Variants in DAP observed in about 807,000 individuals in gnomAD.
DAP encodes death associated protein, also known as death-associated protein 1.
In DAP, 8 loss-of-function variants were observed where a neutral mutation model predicts 13.8. That is an observed-to-expected ratio of 0.58 (90% confidence interval 0.34 to 1.05). The LOEUF (loss-of-function observed/expected upper bound fraction) is 1.05, where lower values mean the gene tolerates loss of function less well. Among genes scored for constraint, DAP ranks in the 50% least tolerant of loss-of-function variants. The pLI is 0.03. For missense variants in DAP, 106 were observed against 133.2 expected, an observed-to-expected ratio of 0.80 and a Z score of 1.01; for synonymous variants, 47 against 47.5, an observed-to-expected ratio of 0.99 and a Z score of 0.04.
intron 2 of DAP, among the ~76,000 whole-genome samples, chr5:10,721,364 C>T (rs1739135710): frequency 6.6e-6 from 1 of 152,132 alleles, no homozygotes; most frequent in Non-Finnish European, 1.5e-5. Flanking sequence ...ACGCGGCTAC[C>T]AGGAGACACA....
At chr5:10,743,366 G>C (rs1229364979) in intron 2 of DAP, among the ~76,000 whole-genome samples, 1 of 152,136 alleles carries the variant, frequency 6.6e-6, no homozygotes. Flanking sequence ...TGAATTGTTG[G>C]CTTACTTGTC....
chr5:10,730,223 T>A (rs1246108130), intron 2 of DAP, among the ~76,000 whole-genome samples: 2 of 152,228 alleles, frequency 1.3e-5, no homozygotes, highest in Non-Finnish European at 2.9e-5. Flanking sequence ...GTCCCCACTG[T>A]GTAGAGTACC....
chr5:10,720,213 A>G (rs1739101970), intron 2 of DAP, among the ~76,000 whole-genome samples: 1 of 152,196 alleles, frequency 6.6e-6, no homozygotes, highest in South Asian at 2.1e-4. Context: ...CCACTTCCTC[A>G]TGTAACTTAC....
rs3797148 is a variant in DAP at position 10,754,303 on chromosome 5, C to T, written c.56-6032G>A. On this transcript the variant is annotated intron_variant, in intron 1 of 3. Transcript: ENST00000230895. ...ACCTTGCCCCCAGACCAAGTGGAGCCCTTACAGGAGCTTTCAGGTGTGCAT... is the reference window on the plus strand; with the variant it reads ...ACCTTGCCCCCAGACCAAGTGGAGCTCTTACAGGAGCTTTCAGGTGTGCAT... Among the ~76,000 whole-genome samples the T allele has an allele frequency of 1.5e-3, 226 of 152,166 alleles. 2 individuals carry two copies. The East Asian group carries it at 0.039, about 27-fold the overall frequency.
At chr5:10,697,361 A>T (rs1738460835) in intron 2 of DAP, among the ~76,000 whole-genome samples, 1 of 152,202 alleles carries the variant, frequency 6.6e-6, no homozygotes, top group Non-Finnish European at 1.5e-5. Flanking sequence ...TCTATGTATT[A>T]AAAACTTTAC....
chr5:10,688,297 T>G (rs1738207337), intron 2 of DAP, among the ~76,000 whole-genome samples: 1 of 152,112 alleles, frequency 6.6e-6, no homozygotes, highest in African/African-American at 2.4e-5. Flanking sequence ...CCATCAACAC[T>G]GAGGCAAGAC....
chr5:10,708,046 A>G (rs760955003), intron 2 of DAP, among the ~76,000 whole-genome samples: 8 of 152,196 alleles, frequency 5.3e-5, no homozygotes, highest in Non-Finnish European at 7.3e-5. Flanking sequence ...GCATTGTTAC[A>G]ACTCCAGGCA....
At chr5:10,752,840 C>T (rs1740079820) in intron 1 of DAP, among the ~76,000 whole-genome samples, 1 of 152,212 alleles carries the variant, frequency 6.6e-6, no homozygotes, top group African/African-American at 2.4e-5. Flanking sequence ...ACATGAAATG[C>T]CTCCAACAGG....
At chr5:10,698,949 T>A (rs1738497996) in intron 2 of DAP, among the ~76,000 whole-genome samples, 1 of 152,142 alleles carries the variant, frequency 6.6e-6, no homozygotes, top group Non-Finnish European at 1.5e-5. Context: ...AAAAATGAAA[T>A]TTGCTTAGTT....
At chr5:10,700,360 C>T (rs1738547944) in intron 2 of DAP, among the ~76,000 whole-genome samples, 1 of 152,170 alleles carries the variant, frequency 6.6e-6, no homozygotes, top group Non-Finnish European at 1.5e-5. Flanking sequence ...TCTCTAAGGA[C>T]AGCTGCAAGC....
At chr5:10,719,068 C>T (rs1739067834) in intron 2 of DAP, among the ~76,000 whole-genome samples, 1 of 152,190 alleles carries the variant, frequency 6.6e-6, no homozygotes, top group South Asian at 2.1e-4. Context: ...TACCTTCTAC[C>T]TCAGTAAAAT....
intron 2 of DAP, among the ~76,000 whole-genome samples, chr5:10,710,224 C>T (rs1306592755): frequency 1.3e-5 from 2 of 152,114 alleles, no homozygotes; most frequent in African/African-American, 2.4e-5. Flanking sequence ...CTGCTTTTGG[C>T]CAGGGGCCAT....
intron 2 of DAP, among the ~76,000 whole-genome samples, chr5:10,691,736 A>G (rs1738312019): frequency 6.6e-6 from 1 of 152,222 alleles, no homozygotes; most frequent in Non-Finnish European, 1.5e-5. Flanking sequence ...ACTTATTTAA[A>G]TTGAAAAGAA....
At chr5:10,750,588 A>C (rs1016714301) in intron 1 of DAP, among the ~76,000 whole-genome samples, 1 of 151,956 alleles carries the variant, frequency 6.6e-6, no homozygotes, top group African/African-American at 2.4e-5. Flanking sequence ...ATTTTTAATC[A>C]CTCTATTTTT....
intron 2 of DAP, among the ~76,000 whole-genome samples, chr5:10,715,296 G>A (rs1738955505): frequency 6.6e-6 from 1 of 152,158 alleles, no homozygotes; most frequent in African/African-American, 2.4e-5. Context: ...TATTTGTGAA[G>A]TAATAGGAAT....
chr5:10,681,233 G>A, intron 3 of DAP, 64 bp from the exon 4 acceptor site: 4 of 1,317,020 alleles, frequency 3.0e-6, no homozygotes, highest in South Asian at 1.6e-5. Context: ...GGGTGAGGAA[G>A]CCCCAGGCCA....
chr5:10,716,307 A>G (rs956956406), intron 2 of DAP, among the ~76,000 whole-genome samples: 9 of 152,160 alleles, frequency 5.9e-5, no homozygotes, highest in African/African-American at 2.2e-4. Flanking sequence ...GTGCAGAGTA[A>G]ACTCCTTCGA....
intron 2 of DAP, among the ~76,000 whole-genome samples, chr5:10,703,775 G>T (rs1208894700): frequency 6.6e-6 from 1 of 152,184 alleles, no homozygotes; most frequent in Non-Finnish European, 1.5e-5. Flanking sequence ...GCCTGGGTGT[G>T]GGGGGCACAG....
At chr5:10,717,387 T>C (rs1037677426) in intron 2 of DAP, among the ~76,000 whole-genome samples, 2 of 152,092 alleles carry the variant, frequency 1.3e-5, no homozygotes, top group African/African-American at 4.8e-5. Flanking sequence ...AGGGCATTGA[T>C]TGGAAAAGAA....
Sources: allele counts gnomAD v4.1 joint callset (sites outside exome capture counted in the v4.1 genomes callset), GRCh38; gene constraint gnomAD v4.1.1; transcripts MANE v1.5; gene names NCBI Gene and HGNC (gene_info 2026-07-23, HGNC 2026-07-21).